Variants in RRM2 observed in about 807,000 individuals in gnomAD.
RRM2 encodes the protein ribonucleoside-diphosphate reductase subunit M2.
In RRM2, 6 loss-of-function variants were observed where a neutral mutation model predicts 45.9. The ratio of observed to expected loss-of-function variants is 0.13; its 90% CI spans 0.07 to 0.26. RRM2 has a LOEUF of 0.26. Ranked by LOEUF, RRM2 falls within the 10% of genes least tolerant of loss-of-function variation. The pLI is 1.00. For synonymous variants in RRM2, 177 were observed against 173.0 expected (o/e 1.02, Z -0.18); for missense variants, 343 against 489.5 (o/e 0.70, Z 2.82).
Position 10,195,039 on chromosome 2 carries a change from G to A in RRM2, n.483-15272G>A, listed in dbSNP as rs541874693. ...GGCACGTGACCACCAAAACCCTCAC[G>A]AGGCCATGTGGTCGTGGCTACGGGT... On this transcript the variant is annotated intron_variant and non_coding_transcript_variant, in intron 3 of 3. Coordinates refer to the RRM2 transcript ENST00000381786. The surrounding 1 kb of genome is among the most constrained non-coding windows in gnomAD (Gnocchi z 4.9). 7.9e-4 allele frequency among the ~76,000 whole-genome samples: 121 copies of A among 152,346 alleles called. No homozygotes were observed. The highest frequency in any genetic ancestry group is 6.0e-3 in the South Asian group (29 of 4,830).
At chr2:10,123,886 G>T (rs767257528) in intron 4 of RRM2, 34 bp downstream of exon 4, 8 of 1,214,140 alleles carry the variant, frequency 6.6e-6, no homozygotes, top group Non-Finnish European at 8.6e-6. Context: ...TTCATTTGAC[G>T]TTGACGATCT....
chr2:10,164,860 G>A (rs1476876788), intron 3 of RRM2, among the ~76,000 whole-genome samples: 1 of 152,198 alleles, frequency 6.6e-6, no homozygotes. Flanking sequence ...TTGCAGCCAG[G>A]CGCACGGGGG....
chr2:10,162,226 G>A (rs558741873), intron 3 of RRM2, among the ~76,000 whole-genome samples: 15 of 152,200 alleles, frequency 9.9e-5, no homozygotes, highest in African/African-American at 3.6e-4. Context: ...GAGCTGCCAG[G>A]CCAGGCACAA....
intron 5 of RRM2, among the ~76,000 whole-genome samples, chr2:10,125,414 T>C (rs1325699479): frequency 6.6e-6 from 1 of 152,004 alleles, no homozygotes; most frequent in Admixed American, 6.6e-5. Context: ...GATACAAAGG[T>C]CAGCTTTAGG....
chr2:10,160,668 AC>A (rs1663536619), intron 3 of RRM2, among the ~76,000 whole-genome samples: 1 of 151,224 alleles, frequency 6.6e-6, no homozygotes. Context: ...CGTGCAGACC[AC>A]CCCCGCCTGC....
chr2:10,200,433 G>GCACACAAAATATGAGGCCCACAGGGAC (rs1558406553), intron 3 of RRM2, among the ~76,000 whole-genome samples: 3 of 137,898 alleles, frequency 2.2e-5, no homozygotes, highest in Non-Finnish European at 4.8e-5. Context: ...CAGGGACCGC[G>GCACACAAAATATGAGGCCCACAGGGAC]CGCGCAAAAT....
intron 3 of RRM2, among the ~76,000 whole-genome samples, chr2:10,158,877 G>T (rs1663492946): frequency 1.3e-5 from 2 of 152,108 alleles, no homozygotes; most frequent in African/African-American, 4.8e-5. Flanking sequence ...CTATGACCAG[G>T]CAGAAGCTGA....
intron 3 of RRM2, among the ~76,000 whole-genome samples, chr2:10,191,088 A>G (rs1343259539): frequency 6.6e-6 from 1 of 152,206 alleles, no homozygotes; most frequent in Non-Finnish European, 1.5e-5. Flanking sequence ...TTTGCCCCAC[A>G]GGACGCTGGC....
chr2:10,203,932 G>A (rs998477381), intron 3 of RRM2, among the ~76,000 whole-genome samples: 2 of 151,896 alleles, frequency 1.3e-5, no homozygotes, highest in African/African-American at 4.8e-5. Flanking sequence ...TGGTGGCTGC[G>A]CCTTTCTCCC....
At chr2:10,210,120 C>T (rs982134959) in intron 3 of RRM2, among the ~76,000 whole-genome samples, 1 of 152,202 alleles carries the variant, frequency 6.6e-6, no homozygotes, top group African/African-American at 2.4e-5. Context: ...TTGGCCCCAG[C>T]CCTCCTCCCT....
At chr2:10,141,171 C>T (rs886541888), upstream of RRM2, among the ~76,000 whole-genome samples, 3 of 152,142 alleles carry the variant, frequency 2.0e-5, no homozygotes, top group Admixed American at 6.5e-5. Flanking sequence ...CCAAAGAGGT[C>T]GGCCAATGGG....
In RRM2 at chr2:10,127,451, G is replaced by C. The variant is rs1290782497; in HGVS notation, c.798+231G>C. 1 of 444,118 alleles carries C rather than the reference G, an allele frequency of 2.3e-6. No homozygotes were observed. Among genetic ancestry groups the C allele is most frequent in the East Asian group, 3.7e-5 (1 of 27,226 alleles). The allele number at this position is 444,118 out of a possible 1,614,324, so 27.5% of individuals were successfully genotyped here. A position where few individuals can be genotyped will look rare whatever the true frequency, so the allele number is the denominator to read the frequency against. The stretch of plus-strand genomic sequence containing the variant: ...ATTTGTACATATGTATTCCCCTATA[G>C]GCTTTGAATGCATAAAACTACAAGT... On this transcript the variant is annotated intron_variant, in intron 7 of 9. Transcript: ENST00000304567. This position sits in a 1 kb window ranked among gnomAD's most constrained non-coding sequence, Gnocchi z 4.1.
chr2:10,177,692 T>TCCCTCCC (rs1371651022), intron 3 of RRM2, among the ~76,000 whole-genome samples: 46 of 149,766 alleles, frequency 3.1e-4, no homozygotes, highest in African/African-American at 1.0e-3. Flanking sequence ...CCTTCCTTCC[T>TCCCTCCC]TCCTTCCTTC....
chr2:10,125,288 A>C (rs1174891232), intron 5 of RRM2, among the ~76,000 whole-genome samples: 5 of 152,188 alleles, frequency 3.3e-5, no homozygotes, highest in Non-Finnish European at 5.9e-5. Flanking sequence ...GGCAGCAGTG[A>C]ACCCTGAGAC....
At chr2:10,128,582 AAC>A (rs943407918) in intron 7 of RRM2, among the ~76,000 whole-genome samples, 2 of 152,210 alleles carry the variant, frequency 1.3e-5, no homozygotes, top group East Asian at 3.9e-4. Flanking sequence ...CTCCTTTGCC[AAC>A]ACACAGCAGA....
upstream of RRM2, among the ~76,000 whole-genome samples, chr2:10,140,148 G>A (rs983554114): frequency 7.9e-5 from 12 of 152,196 alleles, no homozygotes; most frequent in Non-Finnish European, 1.6e-4. Context: ...TTGGGAGGCT[G>A]AGGCAGGAAA....
chr2:10,161,465 G>A (rs13400683), intron 3 of RRM2, among the ~76,000 whole-genome samples: 3,329 of 152,284 alleles, frequency 0.022, 118 homozygotes, highest in African/African-American at 0.075. Context: ...GAGGGGCACA[G>A]CCTCTTGCAG....
chr2:10,205,651 A>G lies in RRM2; in HGVS notation n.483-4660A>G, dbSNP rs188864538. ...TGGCAGAGATGCTGGATGGAAAACA[A>G]ACACACAGTTTGAGAGGGTCCTTTT... On this transcript the variant is annotated intron_variant and non_coding_transcript_variant, in intron 3 of 3. Coordinates refer to the RRM2 transcript ENST00000381786. This position sits in a 1 kb window ranked among gnomAD's most constrained non-coding sequence, Gnocchi z 4.8. Among the ~76,000 whole-genome samples, 2 of 152,296 alleles carry G rather than the reference A, an allele frequency of 1.3e-5. No homozygotes were observed. The highest frequency in any genetic ancestry group is 2.9e-5 in the Non-Finnish European group (2 of 68,020).
rs1663804277 is a variant in RRM2 at position 10,171,440 on chromosome 2, C to A, written n.482+29065C>A. ...TTCCTCCTGAGCCGTGCTTCCAGGG[C>A]AGCCCCGGCCCTTCATGTCAGCTGG... On this transcript the variant is annotated intron_variant and non_coding_transcript_variant, in intron 3 of 3. Transcript: ENST00000381786. The surrounding 1 kb of genome is among the most constrained non-coding windows in gnomAD (Gnocchi z 4.1). 6.6e-6 allele frequency among the ~76,000 whole-genome samples: 1 copy of A among 152,248 alleles called. No individual in the cohort carries two copies. The highest frequency in any genetic ancestry group is 2.1e-4 in the South Asian group (1 of 4,838).
Sources: gnomAD v4.1 joint callset for allele counts (sites outside exome capture counted in the v4.1 genomes callset) on GRCh38, gnomAD v4.1.1 for gene constraint, Gnocchi (gnomAD v3.1) non-coding constraint, MANE v1.5 for transcripts, NCBI Gene and HGNC (gene_info 2026-07-23, HGNC 2026-07-21) for gene names.